Variants in DGKI observed in about 807,000 individuals in gnomAD.
DGKI encodes diacylglycerol kinase iota.
DGKI carries 55 observed loss-of-function variants against 147.5 expected under a neutral mutation model. The ratio of observed to expected loss-of-function variants is 0.37; its 90% CI spans 0.30 to 0.47. DGKI has a LOEUF of 0.47. Among genes scored for constraint, DGKI ranks in the 20% least tolerant of loss-of-function variants. The pLI, the probability that DGKI is intolerant of heterozygous loss-of-function variation, is 1.00. For missense variants in DGKI, 1,007 were observed against 1,323.8 expected, an observed-to-expected ratio of 0.76 and a Z score of 3.71; for synonymous variants, 469 against 477.1, an observed-to-expected ratio of 0.98 and a Z score of 0.22.
chr7:137,412,016 G>C (rs1030584677), intron 29 of DGKI, among the ~76,000 whole-genome samples, 154 bp downstream of exon 29: 1 of 152,124 alleles, frequency 6.6e-6, no homozygotes, highest in Non-Finnish European at 1.5e-5. Flanking sequence ...CACCATCTCT[G>C]CTCAGTTCTC....
intron 6 of DGKI, among the ~76,000 whole-genome samples, chr7:137,641,130 G>A (rs1821608815): frequency 6.6e-6 from 1 of 152,114 alleles, no homozygotes; most frequent in Non-Finnish European, 1.5e-5. Context: ...AAAAATGGGA[G>A]TTTCCCTGCA....
At chr7:137,615,703 C>CCCAT (rs1820508509) in intron 8 of DGKI, among the ~76,000 whole-genome samples, 1 of 149,234 alleles carries the variant, frequency 6.7e-6, no homozygotes, top group South Asian at 2.1e-4. Flanking sequence ...AAACTTGCCA[C>CCCAT]CCATGATCCA....
In DGKI at chr7:137,722,038, G is replaced by A. The variant is rs866824039; in HGVS notation, c.402-32036C>T. On this transcript the variant is annotated intron_variant, in intron 1 of 32. Transcript: ENST00000614521. The stretch of plus-strand genomic sequence containing the variant: ...AGATACTAAAGAGAAGAAACCTGAA[G>A]CCAAGAAGGCTGATGCTGGTGGCAA... 2.6e-5 allele frequency: 42 copies of A among 1,587,968 alleles called. 1 individual carries two copies. The Middle Eastern group carries it at 6.6e-4, about 25-fold the overall frequency.
chr7:137,654,660 G>C (rs943389112), intron 5 of DGKI, 72 bp downstream of exon 5: 10 of 1,095,074 alleles, frequency 9.1e-6, no homozygotes, highest in Admixed American at 3.9e-5. Context: ...ATTCCCTGGT[G>C]AATATCTATG....
At chr7:137,637,318 GA>G (rs1186803562) in intron 6 of DGKI, among the ~76,000 whole-genome samples, 1 of 152,206 alleles carries the variant, frequency 6.6e-6, no homozygotes, top group Non-Finnish European at 1.5e-5. Context: ...GTTTGGATCT[GA>G]AAAGGTAATA....
At chr7:137,527,264 C>T (rs1097033) in intron 20 of DGKI, among the ~76,000 whole-genome samples, 4,864 of 152,216 alleles carry the variant, frequency 0.032, 220 homozygotes, top group East Asian at 0.11. Flanking sequence ...CTATTATTAT[C>T]GCCCTAGCGC....
chr7:137,618,641 T>G (rs1820635602), intron 8 of DGKI, among the ~76,000 whole-genome samples: 1 of 152,198 alleles, frequency 6.6e-6, no homozygotes, highest in African/African-American at 2.4e-5. Context: ...AAAAAAAAAT[T>G]TTAAAGTAGA....
intron 1 of DGKI, among the ~76,000 whole-genome samples, chr7:137,715,220 C>T (rs1794340451): frequency 6.6e-6 from 1 of 152,154 alleles, no homozygotes; most frequent in Non-Finnish European, 1.5e-5. Flanking sequence ...GGAAAACCTC[C>T]CTCGGTGATT....
chr7:137,826,736 G>A (rs966513966), intron 1 of DGKI, among the ~76,000 whole-genome samples: 2 of 152,254 alleles, frequency 1.3e-5, no homozygotes, highest in African/African-American at 4.8e-5. Flanking sequence ...GCGGGGGCAG[G>A]CGAGTTTATC....
intron 1 of DGKI, among the ~76,000 whole-genome samples, chr7:137,773,102 C>T (rs747768082): frequency 1.3e-5 from 2 of 152,228 alleles, no homozygotes; most frequent in African/African-American, 2.4e-5. Context: ...CATTATACCA[C>T]ATTTTACTTC....
intron 20 of DGKI, among the ~76,000 whole-genome samples, chr7:137,532,223 A>G (rs189702783): frequency 3.4e-4 from 52 of 152,228 alleles, no homozygotes; most frequent in Non-Finnish European, 6.0e-4. Context: ...CTGAAAAGCT[A>G]CTCTACAGAT....
chr7:137,784,485 T>C (rs1796608379), intron 1 of DGKI, among the ~76,000 whole-genome samples: 1 of 152,070 alleles, frequency 6.6e-6, no homozygotes, highest in African/African-American at 2.4e-5. Context: ...CAATTACTAC[T>C]AGACCTAAGA....
chr7:137,753,256 C>T (rs1053511906), intron 1 of DGKI, among the ~76,000 whole-genome samples: 6 of 152,178 alleles, frequency 3.9e-5, no homozygotes, highest in African/African-American at 1.2e-4. Flanking sequence ...TCCCCAGGAA[C>T]CTGGAGTCAT....
At chr7:137,675,055 T>C (rs1250155059) in intron 3 of DGKI, among the ~76,000 whole-genome samples, 1 of 152,138 alleles carries the variant, frequency 6.6e-6, no homozygotes, top group East Asian at 1.9e-4. Context: ...TTAAAAGAAA[T>C]TAGAATATAA....
intron 20 of DGKI, among the ~76,000 whole-genome samples, chr7:137,551,564 T>C (rs759084177): frequency 6.6e-6 from 1 of 152,164 alleles, no homozygotes; most frequent in Non-Finnish European, 1.5e-5. Flanking sequence ...TAGCATGATA[T>C]AGAGGAAATA....
Position 137,783,968 on chromosome 7 carries a change from C to T in DGKI, c.401+62494G>A, listed in dbSNP as rs113655438. Among the ~76,000 whole-genome samples, 306 of 152,262 alleles carry T rather than the reference C, an allele frequency of 2.0e-3. 2 individuals carry two copies. The highest frequency in any genetic ancestry group is 7.1e-3 in the African/African-American group (296 of 41,552). On this transcript the variant is annotated intron_variant, in intron 1 of 32. Transcript: ENST00000614521. ...TCCCAAGTCAGCATTACAAGAACTGCTAAAAGAAGCTCTAAATCTTGAAAC... is the reference window on the plus strand; with the variant it reads ...TCCCAAGTCAGCATTACAAGAACTGTTAAAAGAAGCTCTAAATCTTGAAAC...
At chr7:137,654,443 A>G (rs1185785688) in intron 5 of DGKI, among the ~76,000 whole-genome samples, 4 of 152,150 alleles carry the variant, frequency 2.6e-5, no homozygotes, top group South Asian at 2.1e-4. Context: ...ATAAAAGTCT[A>G]TTTCTTTCTT....
intron 7 of DGKI, among the ~76,000 whole-genome samples, chr7:137,622,152 C>T (rs560618895): frequency 6.6e-6 from 1 of 152,118 alleles, no homozygotes; most frequent in South Asian, 2.1e-4. Context: ...TCCAGACCAC[C>T]GAGTCTCTAT....
intron 3 of DGKI, 132 bp from the exon 4 acceptor site, chr7:137,656,672 C>A: frequency 1.2e-6 from 1 of 856,496 alleles, no homozygotes; most frequent in South Asian, 1.9e-5. Flanking sequence ...TATTACAAAG[C>A]AAATTTAAAA....
Sources: gnomAD v4.1 joint callset for allele counts (sites outside exome capture counted in the v4.1 genomes callset) on GRCh38, gnomAD v4.1.1 for gene constraint, MANE v1.5 for transcripts, NCBI Gene and HGNC (gene_info 2026-07-23, HGNC 2026-07-21) for gene names.